The following PDE8A variants were observed in gnomAD, a reference collection of about 807,000 sequenced individuals.
PDE8A encodes the protein phosphodiesterase 8A.
In PDE8A, 59 loss-of-function variants were observed where a neutral mutation model predicts 105.0. The observed-to-expected ratio is 0.56, with a 90% CI of 0.46 to 0.70. The LOEUF is 0.70. PDE8A is among the 30% of genes least tolerant of loss of function. PDE8A has a pLI of 0.00. For synonymous variants in PDE8A, 355 were observed against 371.9 expected (o/e 0.95, Z 0.52); for missense variants, 1,014 against 1,045.9 (o/e 0.97, Z 0.42).
intron 2 of PDE8A, among the ~76,000 whole-genome samples, chr15:85,064,780 A>G (rs530555604): frequency 6.6e-6 from 1 of 152,230 alleles, no homozygotes; most frequent in African/African-American, 2.4e-5. Context: ...AGCCTGGGCA[A>G]CATAGGGAGA....
At chr15:85,096,931 C>A (rs2081764863) in intron 8 of PDE8A, among the ~76,000 whole-genome samples, 1 of 152,172 alleles carries the variant, frequency 6.6e-6, no homozygotes, top group Non-Finnish European at 1.5e-5. Flanking sequence ...GAGCTCTTAT[C>A]ATTGGTATTT....
chr15:85,120,925 C>G lies in PDE8A; in HGVS notation c.1863C>G (p.Asp621Glu). Residue 621 changes from aspartate (D) to glutamate (E), a missense_variant, in exon 18 of 22, where the codon GAC becomes GAG. By Grantham distance (45) the Asp-to-Glu change is conservative (BLOSUM62 2). Coordinates refer to ENST00000394553, the MANE Select transcript of PDE8A (RefSeq NM_002605.3). The part of the protein sequence containing the change: ...AGSELAILYN[D>E]TAVLESHHAA... ...GTGAGCTGGCCATTTTGTACAATGA[C>G]ACTGCTGTGCTGGAGAGCCACCATG... 6.2e-7 allele frequency: 1 copy of G among 1,614,104 alleles called. No homozygotes were observed. The highest frequency in any genetic ancestry group is 8.5e-7 in the Non-Finnish European group (1 of 1,179,936).
chr15:85,089,328 A>G lies in PDE8A; in HGVS notation c.636-10A>G, dbSNP rs1453827367. On this transcript the variant is annotated splice_polypyrimidine_tract_variant and intron_variant, in intron 6 of 21. Coordinates refer to ENST00000394553, the MANE Select transcript of PDE8A (RefSeq NM_002605.3). ...ACATTAATCATTCCTTTTTTTGTTT[A>G]CTCATAAAGGGCTTGTAACTCAGTA... 7 of 1,424,420 alleles carry G rather than the reference A, an allele frequency of 4.9e-6. No homozygotes were observed. The Admixed American group carries it at 7.6e-5, about 15-fold the overall frequency. The allele number at this position is 1,424,420 out of a possible 1,614,324, so 88.2% of individuals were successfully genotyped here. A position where few individuals can be genotyped will look rare whatever the true frequency, so the allele number is the denominator to read the frequency against.
At chr15:85,103,304 C>G (rs1401988437) in intron 11 of PDE8A, among the ~76,000 whole-genome samples, 1 of 152,186 alleles carries the variant, frequency 6.6e-6, no homozygotes, top group South Asian at 2.1e-4. Context: ...GTCAGTGATG[C>G]AGTCAGAGGA....
intron 8 of PDE8A, among the ~76,000 whole-genome samples, chr15:85,092,175 A>T (rs1224248161): frequency 6.6e-6 from 1 of 152,000 alleles, no homozygotes. Flanking sequence ...TGCCTTTCCT[A>T]TGCCTCTGAG....
Position 85,014,435 on chromosome 15 carries a change from A to C in PDE8A, c.186+32087A>C, listed in dbSNP as rs289373. On this transcript the variant is annotated intron_variant, in intron 1 of 21. Transcript: ENST00000394553. Reference sequence around the variant, plus strand: ...TAAAGAGAAGCTCCTCTCATTAACTATGTGATAAAGTTTGAATAGCATAGG... The same window carrying C: ...TAAAGAGAAGCTCCTCTCATTAACTCTGTGATAAAGTTTGAATAGCATAGG... Among the ~76,000 whole-genome samples the C allele has an allele frequency of 4.6e-5, 7 of 151,998 alleles. No individual in the cohort carries two copies. The East Asian group carries it at 9.7e-4, about 21-fold the overall frequency.
intron 1 of PDE8A, among the ~76,000 whole-genome samples, chr15:84,987,465 CTTTTTTTT>C (rs10656480): frequency 3.2e-5 from 3 of 92,442 alleles, no homozygotes; most frequent in African/African-American, 1.5e-4. Flanking sequence ...GGATTGGTTC[CTTTTTTTT>C]TTTTTTTTTT....
chr15:84,982,794 C>CTTTT (rs1285297212), intron 1 of PDE8A, among the ~76,000 whole-genome samples: 1 of 152,250 alleles, frequency 6.6e-6, no homozygotes, highest in South Asian at 2.1e-4. Flanking sequence ...CCTCACCACT[C>CTTTT]TTTTCCCTCT....
intron 1 of PDE8A, among the ~76,000 whole-genome samples, chr15:84,984,131 T>C (rs2079765223): frequency 6.6e-6 from 1 of 152,254 alleles, no homozygotes; most frequent in Non-Finnish European, 1.5e-5. Flanking sequence ...TGGAATTTGA[T>C]TTCATAAAGC....
At chr15:85,061,815 G>A (rs28878517) in intron 1 of PDE8A, among the ~76,000 whole-genome samples, 190 of 152,074 alleles carry the variant, frequency 1.2e-3, no homozygotes, top group African/African-American at 4.3e-3. Context: ...TCCCAGACTC[G>A]ATAATTTCAA....
intron 21 of PDE8A, among the ~76,000 whole-genome samples, chr15:85,137,047 G>A (rs1214663553): frequency 6.6e-6 from 1 of 152,190 alleles, no homozygotes; most frequent in Non-Finnish European, 1.5e-5. Flanking sequence ...GTCTGTCTCT[G>A]ACTGATGCAT....
chr15:85,087,336 A>G (rs949216911), intron 6 of PDE8A, among the ~76,000 whole-genome samples: 9 of 152,172 alleles, frequency 5.9e-5, no homozygotes, highest in Middle Eastern at 3.4e-3. Flanking sequence ...TCAAGTAGCT[A>G]GGACTACAGA....
At chr15:85,003,878 CCTT>C (rs1450531159) in intron 1 of PDE8A, among the ~76,000 whole-genome samples, 1 of 152,154 alleles carries the variant, frequency 6.6e-6, no homozygotes, top group East Asian at 1.9e-4. Flanking sequence ...GACTAAGGCT[CCTT>C]CTATCTGTGG....
intron 1 of PDE8A, among the ~76,000 whole-genome samples, chr15:84,999,024 G>A (rs1271247817): frequency 6.6e-6 from 1 of 151,788 alleles, no homozygotes; most frequent in East Asian, 1.9e-4. Flanking sequence ...TGGTTTTCTA[G>A]TCTGACTTCT....
At chr15:84,992,970 A>G (rs1292909344) in intron 1 of PDE8A, among the ~76,000 whole-genome samples, 2 of 152,238 alleles carry the variant, frequency 1.3e-5, no homozygotes, top group African/African-American at 4.8e-5. Flanking sequence ...TGTGGTGACC[A>G]CTTACAGAAA....
chr15:85,028,387 T>C (rs1318050700), intron 1 of PDE8A, among the ~76,000 whole-genome samples: 1 of 152,106 alleles, frequency 6.6e-6, no homozygotes, highest in African/African-American at 2.4e-5. Context: ...GCTAATTATT[T>C]TATTTTTTGT....
intron 1 of PDE8A, among the ~76,000 whole-genome samples, chr15:85,017,608 C>T (rs576119318): frequency 4.6e-5 from 7 of 152,116 alleles, no homozygotes; most frequent in South Asian, 2.1e-4. Flanking sequence ...GGAATAAGAC[C>T]GGACACGGTG....
chr15:85,075,052 C>T (rs1198907038), intron 3 of PDE8A, among the ~76,000 whole-genome samples: 1 of 152,218 alleles, frequency 6.6e-6, no homozygotes, highest in African/African-American at 2.4e-5. Flanking sequence ...TCGCTTCTCC[C>T]AGTGTAGGAT....
chr15:85,070,936 A>G (rs1472631829), intron 3 of PDE8A, among the ~76,000 whole-genome samples: 4 of 152,224 alleles, frequency 2.6e-5, no homozygotes, highest in East Asian at 1.9e-4. Flanking sequence ...CTAACAGAGT[A>G]TAGCTTCATA....
Sources: gnomAD v4.1 joint callset for allele counts (sites outside exome capture counted in the v4.1 genomes callset) on GRCh38, gnomAD v4.1.1 for gene constraint, MANE v1.5 for transcripts, NCBI Gene and HGNC (gene_info 2026-07-23, HGNC 2026-07-21) for gene names.